SEPTIN14: variants seen among roughly 807,000 people sequenced by gnomAD.
SEPTIN14 encodes the protein septin-14.
Under a neutral mutation model 53.6 loss-of-function variants are expected in SEPTIN14, and 40 were observed. The observed-to-expected ratio is 0.75, with a 90% confidence interval of 0.58 to 0.97. SEPTIN14 has a LOEUF of 0.97. SEPTIN14 is among the 50% of genes least tolerant of loss of function. SEPTIN14 has a pLI of 0.00. For missense variants in SEPTIN14, 471 were observed against 508.2 expected, an observed-to-expected ratio of 0.93 and a Z score of 0.70; for synonymous variants, 138 against 166.8, an observed-to-expected ratio of 0.83 and a Z score of 1.33.
intron 1 of SEPTIN14, among the ~76,000 whole-genome samples, chr7:55,862,227 A>G (rs528755713): frequency 3.3e-5 from 5 of 152,188 alleles, no homozygotes; most frequent in Non-Finnish European, 7.3e-5. Flanking sequence ...GTAGAGTAAT[A>G]CATTTAACCA....
At chr7:55,807,621 T>C (rs765963884) in intron 7 of SEPTIN14, among the ~76,000 whole-genome samples, 1 of 152,134 alleles carries the variant, frequency 6.6e-6, no homozygotes, top group Non-Finnish European at 1.5e-5. Context: ...TAATATAACA[T>C]CACTAGTGTA....
chr7:55,848,534 C>T (rs948430777), intron 2 of SEPTIN14, among the ~76,000 whole-genome samples: 5 of 151,546 alleles, frequency 3.3e-5, no homozygotes, highest in African/African-American at 9.7e-5. Flanking sequence ...TGAGCTCAAA[C>T]AATCCTCCTG....
intron 6 of SEPTIN14, among the ~76,000 whole-genome samples, chr7:55,821,205 G>A (rs1434588850): frequency 6.6e-6 from 1 of 152,104 alleles, no homozygotes; most frequent in South Asian, 2.1e-4. Context: ...TGCCTTGGAT[G>A]CAGCAAACAG....
chr7:55,796,795 T>C (rs1788438811), intron 9 of SEPTIN14, among the ~76,000 whole-genome samples: 1 of 151,808 alleles, frequency 6.6e-6, no homozygotes, highest in Non-Finnish European at 1.5e-5. Context: ...TCATCTGAAA[T>C]TATCCAGTGA....
At chr7:55,800,094 C>T (rs1285655030) in intron 9 of SEPTIN14, among the ~76,000 whole-genome samples, 1 of 151,958 alleles carries the variant, frequency 6.6e-6, no homozygotes, top group South Asian at 2.1e-4. Flanking sequence ...ATTATTGAAG[C>T]ACTATTCATA....
intron 2 of SEPTIN14, among the ~76,000 whole-genome samples, chr7:55,860,148 C>T (rs1296328290): frequency 1.3e-5 from 2 of 148,952 alleles, no homozygotes; most frequent in East Asian, 2.0e-4. Flanking sequence ...CATTGCACTC[C>T]AGCCTGGGCA....
intron 2 of SEPTIN14, among the ~76,000 whole-genome samples, chr7:55,861,162 A>G (rs1789742542): frequency 6.6e-6 from 1 of 152,212 alleles, no homozygotes; most frequent in Non-Finnish European, 1.5e-5. Context: ...GCATAGGCCA[A>G]TGTTTCAGTC....
rs577422944 is a variant in SEPTIN14, at chr7:55,797,195, T to C, written c.1120-1103A>G. On this transcript the variant is annotated intron_variant, in intron 9 of 9. Coordinates refer to ENST00000388975, the MANE Select transcript of SEPTIN14 (RefSeq NM_207366.3). The stretch of plus-strand genomic sequence containing the variant: ...CATTAGGCAAACCACTGTCAGGTTA[T>C]GGGAGTCTGAGAAGGAAAGTAGAGA... Among the ~76,000 whole-genome samples, 9 of 152,058 alleles carry C rather than the reference T, an allele frequency of 5.9e-5. 1 individual carries two copies. The highest frequency in any genetic ancestry group is 1.9e-4 in the African/African-American group (8 of 41,484).
intron 9 of SEPTIN14, among the ~76,000 whole-genome samples, chr7:55,799,222 A>G (rs1035421799): frequency 1.3e-5 from 2 of 151,588 alleles, no homozygotes; most frequent in African/African-American, 2.4e-5. Context: ...ATAGAAAAAC[A>G]TGGCTGGGCG....
intron 6 of SEPTIN14, among the ~76,000 whole-genome samples, chr7:55,830,336 TA>T (rs1562713334): frequency 5.4e-4 from 20 of 36,810 alleles, no homozygotes; most frequent in African/African-American, 2.1e-3. Flanking sequence ...TATATATATA[TA>T]TATATATATA....
chr7:55,838,135 A>G (rs1584266467), intron 5 of SEPTIN14, among the ~76,000 whole-genome samples: 1 of 150,520 alleles, frequency 6.6e-6, no homozygotes, highest in Non-Finnish European at 1.5e-5. Context: ...AAATGAACAG[A>G]GTCTCATATC....
chr7:55,845,103 G>A (rs1211246491), intron 3 of SEPTIN14, among the ~76,000 whole-genome samples: 4 of 152,044 alleles, frequency 2.6e-5, no homozygotes, highest in Non-Finnish European at 2.9e-5. Flanking sequence ...ACCAGTGTCT[G>A]TTATTCCCCT....
rs1337453699 is a variant in SEPTIN14 at position 55,830,345 on chromosome 7, A to ATTTTT, written c.720+4079_720+4080insAAAAA. 4.1e-3 allele frequency among the ~76,000 whole-genome samples: 164 copies of ATTTTT among 40,062 alleles called. 6 individuals are homozygous for ATTTTT. Among genetic ancestry groups the ATTTTT allele is most frequent in the Middle Eastern group, 0.023 (1 of 44 alleles). 26.3% of individuals were successfully genotyped at this position (40,062 alleles called of 152,430 possible). A position where few individuals can be genotyped will look rare whatever the true frequency, so the allele number is the denominator to read the frequency against. ...TGTATATATATATATATATATATAT[A>ATTTTT]TATATTTTTTTTTTTTTTTGAGACG... On this transcript the variant is annotated intron_variant, in intron 6 of 9. Transcript: ENST00000388975.
rs1374776810 is a variant in SEPTIN14, at chr7:55,816,159, C to T, written c.817+2968G>A. Among the ~76,000 whole-genome samples, 4 of 151,848 alleles carry T rather than the reference C, an allele frequency of 2.6e-5. 1 individual carries two copies. Among genetic ancestry groups the T allele is most frequent in the Middle Eastern group, 6.3e-3 (2 of 316 alleles). The stretch of plus-strand genomic sequence containing the variant: ...GAGCTAAAAATTAAAACAATTGAAC[C>T]CATGGGGATAAAGAGTGGAATGTTG... On this transcript the variant is annotated intron_variant, in intron 7 of 9. Coordinates refer to ENST00000388975, the MANE Select transcript of SEPTIN14 (RefSeq NM_207366.3).
intron 7 of SEPTIN14, among the ~76,000 whole-genome samples, chr7:55,815,542 T>C (rs762706370): frequency 2.0e-5 from 3 of 152,140 alleles, no homozygotes; most frequent in Non-Finnish European, 4.4e-5. Context: ...TTAACATGTG[T>C]GAAGTAACTG....
intron 5 of SEPTIN14, among the ~76,000 whole-genome samples, chr7:55,839,065 C>T (rs1187015246): frequency 6.6e-6 from 1 of 152,052 alleles, no homozygotes; most frequent in East Asian, 1.9e-4. Context: ...TATCTCACAT[C>T]ATCATAAGAA....
chr7:55,802,917 C>T (rs571800179), intron 9 of SEPTIN14, among the ~76,000 whole-genome samples: 3 of 151,068 alleles, frequency 2.0e-5, no homozygotes, highest in Admixed American at 6.6e-5. Context: ...AACCTCATTC[C>T]GAAAATGGGC....
chr7:55,835,328 G>A (rs535165106), intron 5 of SEPTIN14, among the ~76,000 whole-genome samples: 1 of 151,520 alleles, frequency 6.6e-6, no homozygotes, highest in African/African-American at 2.4e-5. Context: ...TCAGCCTCCC[G>A]AGTAGCTGGG....
rs1021976286 is a variant in SEPTIN14 at position 55,848,828 on chromosome 7, C to T, written c.55-2191G>A. On this transcript the variant is annotated intron_variant, in intron 2 of 9. Coordinates refer to ENST00000388975, the MANE Select transcript of SEPTIN14 (RefSeq NM_207366.3). ...TTCACCGTGTTAGCCAGGATGGTCT[C>T]GATCTCCTGACCTCGTGATCCGCCC... Among the ~76,000 whole-genome samples the T allele has an allele frequency of 1.2e-4, 18 of 150,470 alleles. No homozygotes were observed. In the East Asian group the frequency reaches 2.5e-3, roughly 21 times the overall value.
Sources: gnomAD v4.1 joint callset for allele counts (sites outside exome capture counted in the v4.1 genomes callset) on GRCh38, gnomAD v4.1.1 for gene constraint, MANE v1.5 for transcripts, NCBI Gene and HGNC (gene_info 2026-07-23, HGNC 2026-07-21) for gene names.